INO80D: variants seen among roughly 807,000 people sequenced by gnomAD.
INO80D encodes INO80 complex subunit D.
A neutral mutation model predicts 87.6 loss-of-function variants in INO80D; 21 were observed. That is an observed-to-expected ratio of 0.24 (90% CI 0.17 to 0.35). The LOEUF is 0.35. Ranked by LOEUF, INO80D falls within the 10% of genes least tolerant of loss-of-function variation. The probability of loss-of-function intolerance (pLI) is 1.00; values close to 1 mark genes in which losing one functional copy is unlikely to be tolerated. For synonymous variants in INO80D, 440 were observed against 491.0 expected (o/e 0.90, Z 1.37); for missense variants, 982 against 1,280.7 (o/e 0.77, Z 3.56).
chr2:206,009,835 G>C (rs1476942643), intron 8 of INO80D, 41 bp from the exon 9 acceptor site: 2 of 1,504,304 alleles, frequency 1.3e-6, no homozygotes, highest in Admixed American at 4.2e-5. Flanking sequence ...GAGATTATCT[G>C]GGATAAACCT....
At chr2:206,052,957 T>A (rs1689415321) in intron 4 of INO80D, among the ~76,000 whole-genome samples, 1 of 152,164 alleles carries the variant, frequency 6.6e-6, no homozygotes, top group African/African-American at 2.4e-5. Flanking sequence ...TATGTAAATT[T>A]AAGCAGATTT....
At chr2:206,067,745 C>T (rs1034065967) in intron 1 of INO80D, among the ~76,000 whole-genome samples, 8 of 152,122 alleles carry the variant, frequency 5.3e-5, no homozygotes, top group Admixed American at 6.6e-5. Context: ...CAAACACACA[C>T]GTATCTTTCA....
At chr2:206,060,646 C>T (rs561308176) in intron 3 of INO80D, among the ~76,000 whole-genome samples, 26 of 151,952 alleles carry the variant, frequency 1.7e-4, no homozygotes, top group African/African-American at 6.3e-4. Flanking sequence ...CTGCAACCTC[C>T]GCCTCCTGGG....
intron 1 of INO80D, among the ~76,000 whole-genome samples, chr2:206,081,596 T>C (rs895565330): frequency 2.0e-5 from 3 of 151,294 alleles, no homozygotes; most frequent in Non-Finnish European, 2.9e-5. Context: ...CTACAAAAAA[T>C]ACAAAAATTA....
At position 206,075,982 on chromosome 2, in the gene INO80D, G is replaced by A. The variant is rs141961343; in HGVS notation, c.-124+9919C>T. Among the ~76,000 whole-genome samples, 186 of 151,486 alleles carry A rather than the reference G, an allele frequency of 1.2e-3. 7 individuals are homozygous for A. In the East Asian group the frequency reaches 0.034, roughly 28 times the overall value. ...CAGGAAAACTGCTTGTACCCGGGAG[G>A]TGGAGGTTGCAGTAAGCCAAGATAG... is the stretch of plus-strand genomic sequence containing the variant. On this transcript the variant is annotated intron_variant, in intron 1 of 10. Transcript: ENST00000403263.
chr2:206,061,428 G>A (rs549915792), intron 3 of INO80D, among the ~76,000 whole-genome samples: 5 of 151,924 alleles, frequency 3.3e-5, no homozygotes, highest in Non-Finnish European at 7.4e-5. Context: ...TTTACGATGG[G>A]GCTTGATGTA....
chr2:206,011,011 G>C (rs1431566901), intron 8 of INO80D, among the ~76,000 whole-genome samples: 1 of 150,300 alleles, frequency 6.7e-6, no homozygotes, highest in African/African-American at 2.4e-5. Flanking sequence ...CCGGGAGGCA[G>C]AGGTTGCAGT....
chr2:206,018,616 T>G (rs1688380578), intron 7 of INO80D, among the ~76,000 whole-genome samples: 1 of 152,210 alleles, frequency 6.6e-6, no homozygotes, highest in Admixed American at 6.5e-5. Flanking sequence ...GAAAAATTAC[T>G]TTTAAATCAA....
intron 8 of INO80D, among the ~76,000 whole-genome samples, chr2:206,011,092 A>G (rs1353990525): frequency 6.6e-6 from 1 of 152,138 alleles, no homozygotes; most frequent in East Asian, 1.9e-4. Context: ...AAAAAAAAAA[A>G]AAAAGGCTAC....
intron 1 of INO80D, among the ~76,000 whole-genome samples, chr2:206,070,392 C>T (rs1050980908): frequency 6.0e-5 from 9 of 150,660 alleles, no homozygotes; most frequent in Admixed American, 1.3e-4. Context: ...CCACACCGCA[C>T]TCCAGCCTGG....
At chr2:206,058,146 C>T (rs1689578163) in intron 3 of INO80D, among the ~76,000 whole-genome samples, 1 of 152,180 alleles carries the variant, frequency 6.6e-6, no homozygotes, top group South Asian at 2.1e-4. Flanking sequence ...AAAGGCCGGG[C>T]ACAATGGCTC....
In INO80D at chr2:206,003,184, T is replaced by G. The variant is rs887207096; in HGVS notation, c.*1184A>C. The G allele has an allele frequency of 1.1e-4, 17 of 152,368 alleles. No homozygotes were observed. The East Asian group carries it at 3.3e-3, about 29-fold the overall frequency. 9.4% of individuals were successfully genotyped at this position (152,368 alleles called of 1,614,324 possible). A position where few individuals can be genotyped will look rare whatever the true frequency, so the allele number is the denominator to read the frequency against. On this transcript the variant is annotated 3_prime_UTR_variant, in exon 11 of 11. Coordinates refer to ENST00000403263, the MANE Select transcript of INO80D (RefSeq NM_017759.5). ...GCTTTGAAAGAAACTTTAAAATGTG[T>G]ATCCTTCAGATATTACACATCACTT...
At chr2:206,070,142 G>A (rs1689922680) in intron 1 of INO80D, among the ~76,000 whole-genome samples, 1 of 152,136 alleles carries the variant, frequency 6.6e-6, no homozygotes. Flanking sequence ...CAGGTGCAGT[G>A]GCTCACGCCT....
chr2:206,062,876 G>T lies in INO80D; in HGVS notation c.141C>A (p.Pro47=). The T allele has an allele frequency of 6.2e-7, 1 of 1,613,148 alleles. No individual in the cohort carries two copies. The highest frequency in any genetic ancestry group is 8.5e-7 in the Non-Finnish European group (1 of 1,179,686). The change falls in exon 3 of 11, where the codon CCC becomes CCA. Residue 47 remains proline (P), a synonymous_variant. Coordinates refer to ENST00000403263, the MANE Select transcript of INO80D (RefSeq NM_017759.5). This position sits in a 1 kb window ranked among gnomAD's most constrained non-coding sequence, Gnocchi z 4.6. The part of the protein sequence containing the change: ...IRHVLEDKTA[P]FKQCEYVAKY... ...TGGCCACATATTCACATTGCTTGAA[G>T]GGGGCAGTCTTGTCCTCCAGAACGT...
At position 205,996,046 on chromosome 2, in the gene INO80D, C is replaced by A. The variant is rs1426266876; in HGVS notation, c.*8322G>T. The A allele has an allele frequency of 1.3e-5, 2 of 152,018 alleles. No homozygotes were observed. Among genetic ancestry groups the A allele is most frequent in the Non-Finnish European group, 2.9e-5 (2 of 67,920 alleles). The allele number at this position is 152,018 out of a possible 1,614,324, so 9.4% of individuals were successfully genotyped here. ...TCGATCATAAAATCATAATTATGTT[C>A]TTTTGTAATTTAAGTAAAATGTCCC... On this transcript the variant is annotated 3_prime_UTR_variant, in exon 11 of 11. Transcript: ENST00000403263.
chr2:206,021,423 G>C (rs1688461722), intron 6 of INO80D, among the ~76,000 whole-genome samples: 1 of 152,274 alleles, frequency 6.6e-6, no homozygotes, highest in Non-Finnish European at 1.5e-5. Context: ...TAGGGAAGTG[G>C]ATCATCATAG....
rs1687852363 is a variant in INO80D, at chr2:205,998,710, C to G, written c.*5658G>C. 1 of 152,076 alleles carries G rather than the reference C, an allele frequency of 6.6e-6. No homozygotes were observed. Among genetic ancestry groups the G allele is most frequent in the Admixed American group, 6.6e-5 (1 of 15,244 alleles). The allele number at this position is 152,076 out of a possible 1,614,324, so 9.4% of individuals were successfully genotyped here. A position where few individuals can be genotyped will look rare whatever the true frequency, so the allele number is the denominator to read the frequency against. ...CTGTATTCTGAAGCTGAGATGAGAG[C>G]CTGGAGGAGAAAGGAAAAAGTCCTA... On this transcript the variant is annotated 3_prime_UTR_variant, in exon 11 of 11. Coordinates refer to ENST00000403263, the MANE Select transcript of INO80D (RefSeq NM_017759.5).
chr2:206,039,538 G>A (rs1364505007), intron 5 of INO80D, among the ~76,000 whole-genome samples: 1 of 152,074 alleles, frequency 6.6e-6, no homozygotes, highest in African/African-American at 2.4e-5. Context: ...TTTGCTGGGT[G>A]CAGTGGCTCA....
intron 1 of INO80D, among the ~76,000 whole-genome samples, chr2:206,074,939 CGAGGCAGGAG>C (rs1690071381): frequency 6.8e-6 from 1 of 146,834 alleles, no homozygotes; most frequent in Non-Finnish European, 1.5e-5. Flanking sequence ...AACTCCATCT[CGAGGCAGGAG>C]AATCGCTTAA....
Sources: allele counts gnomAD v4.1 joint callset (sites outside exome capture counted in the v4.1 genomes callset), GRCh38; gene constraint gnomAD v4.1.1; non-coding constraint Gnocchi (gnomAD v3.1); transcripts MANE v1.5; gene names NCBI Gene and HGNC (gene_info 2026-07-23, HGNC 2026-07-21).